NUP37: variants seen among roughly 807,000 people sequenced by gnomAD.
NUP37 encodes the protein nucleoporin Nup37.
A neutral mutation model predicts 45.4 loss-of-function variants in NUP37; 33 were observed. The observed-to-expected ratio is 0.73, with a 90% CI of 0.55 to 0.97. NUP37 has a LOEUF of 0.97. NUP37 is among the 50% of genes least tolerant of loss of function. The pLI is 0.00. For synonymous variants in NUP37, 127 were observed against 130.7 expected (o/e 0.97, Z 0.19); for missense variants, 365 against 389.7 (o/e 0.94, Z 0.53).
intron 5 of NUP37, among the ~76,000 whole-genome samples, chr12:102,090,794 A>C (rs544173330): frequency 4.4e-4 from 67 of 152,298 alleles, no homozygotes; most frequent in African/African-American, 1.5e-3. Flanking sequence ...TAACCTAAGA[A>C]AAAAAAGCAC....
chr12:102,106,869 C>G (rs893730132), intron 3 of NUP37, among the ~76,000 whole-genome samples: 2 of 152,142 alleles, frequency 1.3e-5, no homozygotes, highest in African/African-American at 4.8e-5. Flanking sequence ...TATTTGTCTC[C>G]TCTGAGTTCC....
At chr12:102,095,572 T>C (rs749265650) in intron 5 of NUP37, among the ~76,000 whole-genome samples, 32 of 152,086 alleles carry the variant, frequency 2.1e-4, no homozygotes, top group Non-Finnish European at 4.0e-4. Context: ...ATTTCTTTTA[T>C]TAAACACATC....
chr12:102,119,654 G>C (rs1254248626), intron 1 of NUP37, among the ~76,000 whole-genome samples: 2 of 152,126 alleles, frequency 1.3e-5, no homozygotes, highest in African/African-American at 4.8e-5. Flanking sequence ...AGTAACTTTA[G>C]GAATGGACAT....
intron 5 of NUP37, among the ~76,000 whole-genome samples, chr12:102,090,906 C>T (rs1158257404): frequency 6.6e-6 from 1 of 152,146 alleles, no homozygotes; most frequent in Non-Finnish European, 1.5e-5. Context: ...CCTGAGTTTA[C>T]TGACTTTTTG....
At position 102,087,295 on chromosome 12, in the gene NUP37, C is replaced by T. The variant is rs571321688; in HGVS notation, c.450-1439G>A. Among the ~76,000 whole-genome samples, 3 of 152,266 alleles carry T rather than the reference C, an allele frequency of 2.0e-5. No individual in the cohort carries two copies. In the East Asian group the frequency reaches 5.8e-4, roughly 29 times the overall value. On this transcript the variant is annotated intron_variant, in intron 5 of 9. Transcript: ENST00000552283. ...AAAGTAGAGTATGTATTGGACAATGCTACTATTCTGTGCCAAAACACATAA... is the reference window on the plus strand; with the variant it reads ...AAAGTAGAGTATGTATTGGACAATGTTACTATTCTGTGCCAAAACACATAA...
At chr12:102,075,162 G>C (rs1879134432) in intron 8 of NUP37, 68 bp from the exon 9 acceptor site, 2 of 1,023,362 alleles carry the variant, frequency 2.0e-6, no homozygotes, top group Admixed American at 2.5e-5. Context: ...TTCTGAAGCG[G>C]GCTTTTTCTT....
At chr12:102,085,028 T>G (rs1199751513) in intron 6 of NUP37, among the ~76,000 whole-genome samples, 1 of 152,168 alleles carries the variant, frequency 6.6e-6, no homozygotes, top group Admixed American at 6.5e-5. Context: ...CTAAGACAAA[T>G]TTGCCTTATG....
At chr12:102,100,165 G>T (rs1879931049) in intron 4 of NUP37, among the ~76,000 whole-genome samples, 1 of 152,102 alleles carries the variant, frequency 6.6e-6, no homozygotes, top group South Asian at 2.1e-4. Context: ...AATTTTATGT[G>T]CCATTTATAT....
At position 102,110,215 on chromosome 12, in the gene NUP37, A is replaced by G. The variant is rs149164256; in HGVS notation, c.281+1893T>C. Among the ~76,000 whole-genome samples the G allele has an allele frequency of 5.9e-3, 895 of 152,304 alleles. 11 individuals are homozygous for G. Among genetic ancestry groups the G allele is most frequent in the African/African-American group, 0.02 (840 of 41,566 alleles). On this transcript the variant is annotated intron_variant, in intron 3 of 9. Transcript: ENST00000552283. The stretch of plus-strand genomic sequence containing the variant: ...AACCAGAATGGCTAAAATTAAAAAG[A>G]CAGGCTGGGCACAGTGGCTCATGCC...
At chr12:102,113,430 T>C (rs1407116925) in intron 2 of NUP37, among the ~76,000 whole-genome samples, 1 of 152,186 alleles carries the variant, frequency 6.6e-6, no homozygotes. Context: ...AAGCAGCAGG[T>C]ATACAGGGAT....
intron 9 of NUP37, chr12:102,074,676 C>T (rs1879118926): frequency 1.4e-5 from 7 of 501,616 alleles, no homozygotes; most frequent in Admixed American, 3.7e-5. Context: ...TGGTACAGTC[C>T]AGACTCCATT....
At chr12:102,074,504 G>T in intron 9 of NUP37, 37 bp from the exon 10 acceptor site, 2 of 1,197,892 alleles carry the variant, frequency 1.7e-6, no homozygotes, top group South Asian at 1.4e-5. Flanking sequence ...AGCACAGTAA[G>T]TCCCCAAAAT....
chr12:102,091,161 C>T (rs1447059442), intron 5 of NUP37, among the ~76,000 whole-genome samples: 2 of 152,076 alleles, frequency 1.3e-5, no homozygotes, highest in African/African-American at 4.8e-5. Flanking sequence ...CCTTGGGAGG[C>T]TGAGGCAGGC....
chr12:102,088,520 C>T (rs1263888540), intron 5 of NUP37, among the ~76,000 whole-genome samples: 2 of 152,094 alleles, frequency 1.3e-5, no homozygotes, highest in African/African-American at 4.8e-5. Context: ...ACAAAAGGTA[C>T]CCACTATTCT....
At chr12:102,109,269 G>C (rs1050369099) in intron 3 of NUP37, among the ~76,000 whole-genome samples, 2 of 152,090 alleles carry the variant, frequency 1.3e-5, no homozygotes, top group African/African-American at 4.8e-5. Context: ...GAGAATTTAA[G>C]GCAACTACAT....
At chr12:102,098,421 T>C (rs1879873797) in intron 5 of NUP37, among the ~76,000 whole-genome samples, 1 of 152,156 alleles carries the variant, frequency 6.6e-6, no homozygotes, top group Admixed American at 6.5e-5. Context: ...ATGAGAGTCA[T>C]AGTTCATTAT....
rs1018590446 is a variant in NUP37 at position 102,105,613 on chromosome 12, T to G, written c.282-4509A>C. 4.6e-5 allele frequency among the ~76,000 whole-genome samples: 7 copies of G among 152,048 alleles called. No homozygotes were observed. The East Asian group carries it at 7.8e-4, about 17-fold the overall frequency. On this transcript the variant is annotated intron_variant, in intron 3 of 9. Coordinates refer to ENST00000552283, the MANE Select transcript of NUP37 (RefSeq NM_024057.4). ...GCACAGTGGCTCCCGCCTGTAATCC[T>G]AGCACTTCCGGTGGCCAAGGTGGGT...
chr12:102,102,608 A>G (rs1475622367), intron 3 of NUP37, among the ~76,000 whole-genome samples: 2 of 152,172 alleles, frequency 1.3e-5, no homozygotes, highest in East Asian at 1.9e-4. Flanking sequence ...AGTTTAATAC[A>G]ATTCCACTTG....
At chr12:102,115,097 A>C (rs753738077) in intron 2 of NUP37, among the ~76,000 whole-genome samples, 15 of 152,236 alleles carry the variant, frequency 9.9e-5, no homozygotes, top group Non-Finnish European at 2.1e-4. Context: ...AAATCCATTT[A>C]CCATTGAGTC....
Sources: allele counts gnomAD v4.1 joint callset (sites outside exome capture counted in the v4.1 genomes callset), GRCh38; gene constraint gnomAD v4.1.1; transcripts MANE v1.5; gene names NCBI Gene and HGNC (gene_info 2026-07-23, HGNC 2026-07-21).